HS6ST2: variants seen among roughly 807,000 people sequenced by gnomAD.
HS6ST2 encodes the protein heparan sulfate 6-O-sulfotransferase 2, also known as heparan-sulfate 6-O-sulfotransferase 2.
Under a neutral mutation model 33.0 loss-of-function variants are expected in HS6ST2, and 17 were observed. The observed-to-expected ratio is 0.52, with a 90% CI of 0.35 to 0.77. The LOEUF (loss-of-function observed/expected upper bound fraction) is 0.77. Ranked by LOEUF, HS6ST2 falls within the 30% of genes least tolerant of loss-of-function variation. The pLI, the probability that HS6ST2 is intolerant of heterozygous loss-of-function variation, is 0.01. For synonymous variants in HS6ST2, 248 were observed against 237.1 expected (o/e 1.05, Z -0.42); for missense variants, 519 against 551.7 (o/e 0.94, Z 0.59).
chrX:132,701,571 A>G (rs764553548), intron 3 of HS6ST2, among the ~76,000 whole-genome samples: 1 of 111,926 alleles, frequency 8.9e-6, no homozygotes, highest in African/African-American at 3.2e-5. Context: ...TATTGGCAAC[A>G]TTCTGGTGCA....
chrX:132,753,301 A>G (rs1203190119), intron 2 of HS6ST2, among the ~76,000 whole-genome samples: 1 of 111,726 alleles, frequency 9.0e-6, no homozygotes, highest in Non-Finnish European at 1.9e-5. Flanking sequence ...AAAGAATACT[A>G]TGGATTTATT....
chrX:132,807,183 C>T (rs1050447839), intron 2 of HS6ST2, among the ~76,000 whole-genome samples: 2 of 110,269 alleles, frequency 1.8e-5, no homozygotes, highest in Non-Finnish European at 3.8e-5. Flanking sequence ...TTACCACTCT[C>T]TATAGAAAGG....
intron 2 of HS6ST2, among the ~76,000 whole-genome samples, chrX:132,918,805 G>A (rs1172651028): frequency 8.9e-6 from 1 of 111,927 alleles, no homozygotes; most frequent in Non-Finnish European, 1.9e-5. Flanking sequence ...ATGGCCTGCT[G>A]AAGGCAAGAA....
At chrX:132,662,336 C>T (rs887626294) in intron 4 of HS6ST2, among the ~76,000 whole-genome samples, 36 of 111,927 alleles carry the variant, frequency 3.2e-4, no homozygotes, top group Non-Finnish European at 5.8e-4. Context: ...TACTGTTTAA[C>T]ATCACTCTTC....
chrX:132,876,030 C>A (rs954199550), intron 2 of HS6ST2, among the ~76,000 whole-genome samples: 1 of 111,456 alleles, frequency 9.0e-6, no homozygotes, highest in African/African-American at 3.3e-5. Context: ...TTAAAAATGA[C>A]CATGGTCCTA....
chrX:132,692,551 T>C, intron 3 of HS6ST2, among the ~76,000 whole-genome samples: 1 of 110,148 alleles, frequency 9.1e-6, no homozygotes, highest in East Asian at 2.9e-4. Flanking sequence ...AACCTGGCCT[T>C]ACATATTTTC....
intron 2 of HS6ST2, among the ~76,000 whole-genome samples, chrX:132,900,720 G>A (rs938386301): frequency 9.0e-6 from 1 of 110,902 alleles, no homozygotes; most frequent in Non-Finnish European, 1.9e-5. Context: ...ATTATTTCAA[G>A]GTAGAATATT....
chrX:132,958,190 A>G lies in HS6ST2; in HGVS notation c.413T>C (p.Phe138Ser). 1 of 1,147,861 alleles carries G rather than the reference A, an allele frequency of 8.7e-7. No individual in the cohort carries two copies. The highest frequency in any genetic ancestry group is 1.1e-6 in the Non-Finnish European group (1 of 869,921). 94.6% of individuals were successfully genotyped at this position (1,147,861 alleles called of 1,213,427 possible). The change falls in exon 1 of 5, where the codon TTC becomes TCC. Residue 138 changes from phenylalanine to serine, a missense_variant. Phe to Ser is a radical substitution (Grantham distance 155). Transcript: ENST00000370833. Reference sequence around the variant, plus strand: ...TAGAACGTACCTGGCCATGGGGCCGAAAATCTTGGAGAAGATCGCACCGAG... The same window carrying G: ...TAGAACGTACCTGGCCATGGGGCCGGAAATCTTGGAGAAGATCGCACCGAG... ...HVLGAIFSKI[F>S]GPMASVGNMD...
intron 2 of HS6ST2, among the ~76,000 whole-genome samples, chrX:132,876,684 A>T (rs2066111447): frequency 9.1e-6 from 1 of 110,446 alleles, no homozygotes; most frequent in Non-Finnish European, 1.9e-5. Flanking sequence ...ACAGCTGAAG[A>T]GGCAGAAGAG....
At chrX:132,642,999 G>A (rs2063613141) in intron 4 of HS6ST2, among the ~76,000 whole-genome samples, 2 of 111,604 alleles carry the variant, frequency 1.8e-5, no homozygotes, top group South Asian at 3.8e-4. Flanking sequence ...CCTTCTCCAC[G>A]CACAGTATAT....
At chrX:132,855,085 C>T (rs774784834) in intron 2 of HS6ST2, among the ~76,000 whole-genome samples, 1 of 112,249 alleles carries the variant, frequency 8.9e-6, no homozygotes, top group Non-Finnish European at 1.9e-5. Flanking sequence ...GTTCAACCCC[C>T]GTAGCCTGTT....
intron 2 of HS6ST2, among the ~76,000 whole-genome samples, chrX:132,831,364 G>A (rs2065588500): frequency 9.0e-6 from 1 of 111,165 alleles, no homozygotes; most frequent in African/African-American, 3.3e-5. Flanking sequence ...TGTAAAATAA[G>A]GGGTTCCAAC....
chrX:132,701,363 G>A (rs1169677171), intron 3 of HS6ST2, among the ~76,000 whole-genome samples: 1 of 111,878 alleles, frequency 8.9e-6, no homozygotes, highest in African/African-American at 3.3e-5. Flanking sequence ...AACTCTCTTG[G>A]TTCCTCTTCT....
chrX:132,836,981 T>C (rs758110378), intron 2 of HS6ST2, among the ~76,000 whole-genome samples: 12 of 112,048 alleles, frequency 1.1e-4, no homozygotes, highest in Non-Finnish European at 2.3e-4. Flanking sequence ...AAGAACTCCT[T>C]TGAACAATCT....
intron 2 of HS6ST2, among the ~76,000 whole-genome samples, chrX:132,902,661 A>G (rs762984500): frequency 6.2e-5 from 7 of 112,170 alleles, no homozygotes; most frequent in African/African-American, 2.3e-4. Context: ...GGAAGCTTGT[A>G]GTCTTTCCAA....
intron 2 of HS6ST2, among the ~76,000 whole-genome samples, chrX:132,774,724 A>C (rs955277457): frequency 4.5e-5 from 5 of 110,765 alleles, no homozygotes; most frequent in Admixed American, 1.9e-4. Context: ...TCTGTCGCCC[A>C]GGCTGGAGTG....
intron 2 of HS6ST2, among the ~76,000 whole-genome samples, chrX:132,838,580 C>T (rs921310370): frequency 2.7e-5 from 3 of 111,496 alleles, no homozygotes; most frequent in Non-Finnish European, 5.6e-5. Context: ...TGATTTTTTT[C>T]TCACTAAAAA....
chrX:132,872,227 T>C (rs1356067600), intron 2 of HS6ST2, among the ~76,000 whole-genome samples: 1 of 112,003 alleles, frequency 8.9e-6, no homozygotes, highest in East Asian at 2.8e-4. Flanking sequence ...ATAGTCCGAC[T>C]CAAGATATCA....
chrX:132,888,396 C>T (rs2066273879), intron 2 of HS6ST2, among the ~76,000 whole-genome samples: 1 of 111,687 alleles, frequency 9.0e-6, no homozygotes, highest in Non-Finnish European at 1.9e-5. Context: ...TTCACTGTCA[C>T]AAGAACAGCA....
Sources: gnomAD v4.1 joint callset for allele counts (sites outside exome capture counted in the v4.1 genomes callset) on GRCh38, gnomAD v4.1.1 for gene constraint, MANE v1.5 for transcripts, NCBI Gene and HGNC (gene_info 2026-07-23, HGNC 2026-07-21) for gene names.